The following RNF214 variants were observed in gnomAD, a reference collection of about 807,000 sequenced individuals.
The protein encoded by RNF214 is ring finger protein 214.
A neutral mutation model predicts 75.9 loss-of-function variants in RNF214; 25 were observed. The observed-to-expected ratio is 0.33, with a 90% CI of 0.24 to 0.46. RNF214 has a LOEUF of 0.46. Ranked by LOEUF, RNF214 falls within the 20% of genes least tolerant of loss-of-function variation. RNF214 has a pLI of 1.00. For synonymous variants in RNF214, 314 were observed against 308.8 expected (o/e 1.02, Z -0.18); for missense variants, 725 against 857.5 (o/e 0.85, Z 1.93).
At chr11:117,254,942 C>T (rs533041227) in intron 6 of RNF214, among the ~76,000 whole-genome samples, 1 of 152,102 alleles carries the variant, frequency 6.6e-6, no homozygotes, top group Admixed American at 6.6e-5. Context: ...TTCATTCTTA[C>T]ACCTGGGCTG....
At chr11:117,282,601 A>G (rs1179327056) in intron 12 of RNF214, 65 bp downstream of exon 12, 10 of 1,588,114 alleles carry the variant, frequency 6.3e-6, no homozygotes, top group Non-Finnish European at 8.6e-6. Flanking sequence ...TAGATTTCAG[A>G]AAAATGTGGG....
intron 6 of RNF214, among the ~76,000 whole-genome samples, chr11:117,278,753 C>T (rs1256211689): frequency 1.3e-5 from 2 of 152,184 alleles, no homozygotes; most frequent in Non-Finnish European, 2.9e-5. Context: ...AAACTTGTAT[C>T]ACTGTGCTTA....
chr11:117,251,298 A>G (rs1591824438), intron 6 of RNF214, among the ~76,000 whole-genome samples: 2 of 92,132 alleles, frequency 2.2e-5, no homozygotes, highest in Non-Finnish European at 4.3e-5. Flanking sequence ...GGCCGGGCAG[A>G]GGGGCTCCTC....
intron 8 of RNF214, 42 bp from the exon 9 acceptor site, chr11:117,281,272 G>A (rs2134421619): frequency 7.1e-7 from 1 of 1,413,638 alleles, no homozygotes; most frequent in South Asian, 1.2e-5. Flanking sequence ...TTCCTAGCAG[G>A]GCTTTCTTTA....
At chr11:117,270,637 A>T (rs1450949890) in intron 6 of RNF214, among the ~76,000 whole-genome samples, 1 of 151,302 alleles carries the variant, frequency 6.6e-6, no homozygotes, top group East Asian at 1.9e-4. Context: ...TAGTACAGAC[A>T]GGGTTTTGCC....
intron 6 of RNF214, among the ~76,000 whole-genome samples, chr11:117,255,601 C>T (rs768152982): frequency 6.6e-6 from 1 of 152,122 alleles, no homozygotes; most frequent in African/African-American, 2.4e-5. Context: ...GATCCTCCCA[C>T]CTCAGCCTCC....
intron 6 of RNF214, among the ~76,000 whole-genome samples, chr11:117,250,188 C>T (rs933179331): frequency 6.6e-6 from 1 of 152,092 alleles, no homozygotes; most frequent in African/African-American, 2.4e-5. Context: ...CAGAGGGCTT[C>T]CCAGGGAATA....
rs2033016683 is a variant in RNF214 at position 117,239,633 on chromosome 11, T to C, written c.619-168T>C. ...TGTGGGACCGATGATTAATGCAGCGTGGATGTTGGTGTCCGTTTGCCAGAA... is the reference window on the plus strand; with the variant it reads ...TGTGGGACCGATGATTAATGCAGCGCGGATGTTGGTGTCCGTTTGCCAGAA... On this transcript the variant is annotated intron_variant, in intron 3 of 14. Transcript: ENST00000300650. The C allele has an allele frequency of 2.2e-5, 14 of 622,878 alleles. 1 individual carries two copies. The highest frequency in any genetic ancestry group is 2.1e-4 in the South Asian group (12 of 58,216). 38.6% of individuals were successfully genotyped at this position (622,878 alleles called of 1,614,324 possible).
rs1486854436 is a variant in RNF214, at chr11:117,239,798, T to C, written c.619-3T>C. ...TTCTAAATATAACTTTTTTCCTTTA[T>C]AGACTGACTTTAAGACAGCTGATTC... On this transcript the variant is annotated splice_region_variant and splice_polypyrimidine_tract_variant and intron_variant, in intron 3 of 14. Transcript: ENST00000300650. 3 of 1,518,410 alleles carry C rather than the reference T, an allele frequency of 2.0e-6. No homozygotes were observed. The highest frequency in any genetic ancestry group is 2.2e-5 in the South Asian group (2 of 89,006). The allele number at this position is 1,518,410 out of a possible 1,614,324, so 94.1% of individuals were successfully genotyped here.
intron 2 of RNF214, among the ~76,000 whole-genome samples, chr11:117,235,445 C>G (rs1293382874): frequency 7.9e-5 from 12 of 151,496 alleles, no homozygotes; most frequent in Non-Finnish European, 5.9e-5. Flanking sequence ...ATCCGCCTGC[C>G]TCGGCCTCCC....
At chr11:117,241,303 C>T (rs1007107634) in intron 4 of RNF214, among the ~76,000 whole-genome samples, 2 of 151,896 alleles carry the variant, frequency 1.3e-5, no homozygotes, top group Non-Finnish European at 1.5e-5. Context: ...TGCTTTAGGC[C>T]GGGCACAGTG....
At chr11:117,267,440 A>C (rs887891202) in intron 6 of RNF214, among the ~76,000 whole-genome samples, 19 of 152,064 alleles carry the variant, frequency 1.2e-4, no homozygotes, top group African/African-American at 4.3e-4. Flanking sequence ...GGTCAGGTGC[A>C]ATGGCTCACA....
chr11:117,243,193 C>T (rs1432806162), intron 4 of RNF214, among the ~76,000 whole-genome samples: 1 of 152,200 alleles, frequency 6.6e-6, no homozygotes, highest in Non-Finnish European at 1.5e-5. Context: ...GTCACCCAGT[C>T]TGGACTGCAG....
intron 1 of RNF214, 191 bp downstream of exon 1, chr11:117,232,917 T>TG (rs2032749742): frequency 1.2e-4 from 1 of 8,184 alleles, no homozygotes; most frequent in Admixed American, 1.7e-3. Context: ...GGCAGCGGGG[T>TG]GGGGGGACCG....
Position 117,238,907 on chromosome 11 carries a change from G to T in RNF214, c.414G>T (p.Gly138=), listed in dbSNP as rs150528982. Residue 138 remains glycine (G), a synonymous_variant, in exon 3 of 15, where the codon GGG becomes GGT. Transcript: ENST00000300650. ...LHPVTRSLKA[G]CHTKQLASRN... Reference sequence around the variant, plus strand: ...CAGTCACTCGGTCTCTTAAGGCAGGGTGCCATACTAAGCAGCTTGCCTCCA... The same window carrying T: ...CAGTCACTCGGTCTCTTAAGGCAGGTTGCCATACTAAGCAGCTTGCCTCCA... 1.9e-6 allele frequency: 3 copies of T among 1,614,032 alleles called. No individual in the cohort carries two copies. Among genetic ancestry groups the T allele is most frequent in the African/African-American group, 1.3e-5 (1 of 74,900 alleles).
rs577921704 is a variant in RNF214, at chr11:117,285,523, C to G, written c.*372C>G. The G allele has an allele frequency of 7.0e-5, 12 of 170,248 alleles. No individual in the cohort carries two copies. Among genetic ancestry groups the G allele is most frequent in the Non-Finnish European group, 1.5e-4 (12 of 79,718 alleles). 10.5% of individuals were successfully genotyped at this position (170,248 alleles called of 1,614,324 possible). A position where few individuals can be genotyped will look rare whatever the true frequency, so the allele number is the denominator to read the frequency against. On this transcript the variant is annotated 3_prime_UTR_variant, in exon 15 of 15. Transcript: ENST00000300650. ...ATTCTGCTTTGGTTTGGCTCAGCCT[C>G]TAGTCCATTTCCTTAAGGCTCATGT...
At position 117,285,131 on chromosome 11, in the gene RNF214, T is replaced by C; in HGVS notation, c.2092T>C (p.Phe698Leu). ...GACCAACACAAATGACACTTGTCCCTTTTGTCCAACTCTTAAATGACGGAC... is the reference window on the plus strand; with the variant it reads ...GACCAACACAAATGACACTTGTCCCCTTTGTCCAACTCTTAAATGACGGAC... ...AQTNTNDTCP[F>L]CPTLK Residue 698 changes from phenylalanine (F) to leucine (L), a missense_variant, in exon 15 of 15, where the codon TTT becomes CTT. Physicochemically the swap from Phe to Leu is conservative, Grantham distance 22. Coordinates refer to ENST00000300650, the MANE Select transcript of RNF214 (RefSeq NM_207343.4). 1 of 1,611,162 alleles carries C rather than the reference T, an allele frequency of 6.2e-7. No individual in the cohort carries two copies. The highest frequency in any genetic ancestry group is 1.7e-4 in the Middle Eastern group (1 of 6,058).
At chr11:117,256,987 C>T (rs1014419269) in intron 6 of RNF214, among the ~76,000 whole-genome samples, 7 of 152,106 alleles carry the variant, frequency 4.6e-5, no homozygotes, top group African/African-American at 1.2e-4. Flanking sequence ...TAGGGAGAGA[C>T]AGAGACTGGG....
chr11:117,246,905 G>T lies in RNF214; in HGVS notation c.916G>T (p.Asp306Tyr). 1 of 1,611,938 alleles carries T rather than the reference G, an allele frequency of 6.2e-7. No individual in the cohort carries two copies. The highest frequency in any genetic ancestry group is 8.5e-7 in the Non-Finnish European group (1 of 1,179,276). Residue 306 changes from aspartate (D) to tyrosine (Y), a missense_variant, in exon 6 of 15, where the codon GAT becomes TAT. Around this residue, in one of 2 missense-constraint regions of RNF214, gnomAD observed 363 missense variants for 513.0 expected, o/e 0.71. Coordinates refer to ENST00000300650, the MANE Select transcript of RNF214 (RefSeq NM_207343.4). ...EKKEFLQKEQ[D>Y]LKAEIEKLCE... is the part of the protein sequence containing the mutation. ...GAAGGAGTTTTTGCAGAAGGAGCAGGATCTGAAAGCTGAAATTGAGAAGCT... is the reference window on the plus strand; with the variant it reads ...GAAGGAGTTTTTGCAGAAGGAGCAGTATCTGAAAGCTGAAATTGAGAAGCT...
Sources: gnomAD v4.1 joint callset for allele counts (sites outside exome capture counted in the v4.1 genomes callset) on GRCh38, gnomAD v4.1.1 for gene constraint, gnomAD v4.1.1 regional missense constraint, MANE v1.5 for transcripts, NCBI Gene and HGNC (gene_info 2026-07-23, HGNC 2026-07-21) for gene names.